DSCAM: variants seen among roughly 807,000 people sequenced by gnomAD.
The protein encoded by DSCAM is DS cell adhesion molecule, also known as cell adhesion molecule DSCAM.
Under a neutral mutation model 217.7 loss-of-function variants are expected in DSCAM, and 47 were observed. The observed-to-expected ratio is 0.22, with a 90% CI of 0.17 to 0.28. The LOEUF (loss-of-function observed/expected upper bound fraction) is 0.28. Among genes scored for constraint, DSCAM ranks in the 10% least tolerant of loss-of-function variants. The probability of loss-of-function intolerance (pLI) is 1.00; values close to 1 mark genes in which losing one functional copy is unlikely to be tolerated. For missense variants in DSCAM, 2,080 were observed against 2,618.3 expected, an observed-to-expected ratio of 0.79 and a Z score of 4.49; for synonymous variants, 1,056 against 1,015.3, an observed-to-expected ratio of 1.04 and a Z score of -0.76.
chr21:40,491,964 A>G (rs188024263), intron 3 of DSCAM, among the ~76,000 whole-genome samples: 21 of 152,304 alleles, frequency 1.4e-4, no homozygotes, highest in African/African-American at 5.1e-4. Flanking sequence ...TGTAATTTAC[A>G]TATTTATTAG....
chr21:40,201,865 G>A (rs1378931947), intron 11 of DSCAM, among the ~76,000 whole-genome samples: 1 of 152,118 alleles, frequency 6.6e-6, no homozygotes, highest in East Asian at 1.9e-4. Flanking sequence ...CTGAAAAATT[G>A]GGTAAGTGCT....
At chr21:40,261,749 A>G (rs1226857238) in intron 11 of DSCAM, among the ~76,000 whole-genome samples, 1 of 152,128 alleles carries the variant, frequency 6.6e-6, no homozygotes, top group Non-Finnish European at 1.5e-5. Context: ...ATGCTAATAA[A>G]TAGCACTATC....
chr21:40,463,215 C>T (rs2075819495), intron 3 of DSCAM, among the ~76,000 whole-genome samples: 1 of 152,034 alleles, frequency 6.6e-6, no homozygotes, highest in Non-Finnish European at 1.5e-5. Flanking sequence ...TAGATAATGG[C>T]TTGCAAGCAA....
intron 11 of DSCAM, among the ~76,000 whole-genome samples, chr21:40,263,486 G>T (rs2123334047): frequency 6.6e-6 from 1 of 152,112 alleles, no homozygotes; most frequent in East Asian, 1.9e-4. Flanking sequence ...AAATCAAGAT[G>T]GAAATTTAAA....
At position 40,197,345 on chromosome 21, in the gene DSCAM, C is replaced by A. The variant is rs971708796; in HGVS notation, c.2357-8107G>T. ...TTGTTAGCCAGGATGGTCTCGATCTCCTGACCTTGCGATCCACCCACCTCG... is the reference window on the plus strand; with the variant it reads ...TTGTTAGCCAGGATGGTCTCGATCTACTGACCTTGCGATCCACCCACCTCG... On this transcript the variant is annotated intron_variant, in intron 11 of 32. Coordinates refer to ENST00000400454, the MANE Select transcript of DSCAM (RefSeq NM_001389.5). Among the ~76,000 whole-genome samples the A allele has an allele frequency of 2.0e-5, 3 of 152,096 alleles. No homozygotes were observed. The East Asian group carries it at 5.8e-4, about 29-fold the overall frequency.
At chr21:40,605,163 T>C (rs564483115) in intron 3 of DSCAM, among the ~76,000 whole-genome samples, 1 of 152,312 alleles carries the variant, frequency 6.6e-6, no homozygotes, top group Non-Finnish European at 1.5e-5. Context: ...ATATTAACTC[T>C]CAAGCCTCAC....
intron 10 of DSCAM, among the ~76,000 whole-genome samples, chr21:40,287,194 A>T (rs961317253): frequency 1.4e-5 from 2 of 143,784 alleles, no homozygotes; most frequent in African/African-American, 6.0e-5. Context: ...CTGCAGTGTG[A>T]TCTGCAGTAT....
At chr21:40,760,473 C>T (rs78351098) in intron 1 of DSCAM, among the ~76,000 whole-genome samples, 247 of 152,320 alleles carry the variant, frequency 1.6e-3, no homozygotes, top group African/African-American at 5.6e-3. Context: ...GTGTTTGATT[C>T]TGACCTGCCT....
At position 40,012,854 on chromosome 21, in the gene DSCAM, G is replaced by C. The variant is rs1329423667; in HGVS notation, c.*180C>G. ...CCCAGGCGGATGGAGCTCACACTCAGACAGAAAAAAAGCAGGAGAGTCTTT... is the reference window on the plus strand; with the variant it reads ...CCCAGGCGGATGGAGCTCACACTCACACAGAAAAAAAGCAGGAGAGTCTTT... On this transcript the variant is annotated 3_prime_UTR_variant, in exon 33 of 33. Coordinates refer to ENST00000400454, the MANE Select transcript of DSCAM (RefSeq NM_001389.5). The C allele has an allele frequency of 2.2e-5, 10 of 448,644 alleles. No homozygotes were observed. Among genetic ancestry groups the C allele is most frequent in the Non-Finnish European group, 3.6e-5 (10 of 276,804 alleles). 27.8% of individuals were successfully genotyped at this position (448,644 alleles called of 1,614,324 possible). A position where few individuals can be genotyped will look rare whatever the true frequency, so the allele number is the denominator to read the frequency against.
At chr21:40,801,707 C>G (rs955007348) in intron 1 of DSCAM, among the ~76,000 whole-genome samples, 4 of 152,294 alleles carry the variant, frequency 2.6e-5, no homozygotes, top group Admixed American at 2.6e-4. Flanking sequence ...TGGCACAGCT[C>G]TGGAAGGAAT....
chr21:40,679,333 G>T (rs995052018), intron 3 of DSCAM, among the ~76,000 whole-genome samples: 12 of 152,148 alleles, frequency 7.9e-5, no homozygotes, highest in African/African-American at 2.7e-4. Context: ...GACAATATTT[G>T]TTGGCTCTTA....
chr21:40,323,623 T>C (rs78293562), intron 8 of DSCAM, among the ~76,000 whole-genome samples: 5 of 152,376 alleles, frequency 3.3e-5, no homozygotes, highest in African/African-American at 1.2e-4. Flanking sequence ...TTTTTGCTCA[T>C]TCAGCTGGCC....
intron 20 of DSCAM, among the ~76,000 whole-genome samples, chr21:40,109,916 C>T (rs571191479): frequency 1.1e-4 from 17 of 152,264 alleles, no homozygotes; most frequent in Admixed American, 3.3e-4. Flanking sequence ...ACAAAGTGGC[C>T]GGGAAGCTCA....
At chr21:40,617,290 A>AT (rs2089414494) in intron 3 of DSCAM, among the ~76,000 whole-genome samples, 1 of 151,160 alleles carries the variant, frequency 6.6e-6, no homozygotes, top group Admixed American at 6.6e-5. Context: ...CGCTCGGCTA[A>AT]TTTTTTTGTA....
intron 1 of DSCAM, among the ~76,000 whole-genome samples, chr21:40,799,643 C>A (rs945204506): frequency 6.6e-6 from 1 of 152,164 alleles, no homozygotes; most frequent in Non-Finnish European, 1.5e-5. Flanking sequence ...CTCATAAAGT[C>A]TTTTTCAGCT....
chr21:40,210,902 G>A (rs1347871648), intron 11 of DSCAM, among the ~76,000 whole-genome samples: 1 of 152,040 alleles, frequency 6.6e-6, no homozygotes, highest in East Asian at 1.9e-4. Flanking sequence ...TAGCTCTGTA[G>A]GTGTATACTT....
At position 40,634,630 on chromosome 21, in the gene DSCAM, A is replaced by G. The variant is rs2089732066; in HGVS notation, c.508+58180T>C. On this transcript the variant is annotated intron_variant, in intron 3 of 32. Coordinates refer to ENST00000400454, the MANE Select transcript of DSCAM (RefSeq NM_001389.5). ...TTAATACATCAAATAAGCTATCAGT[A>G]AAACAAAATATGTACAAATCTAAAA... Among the ~76,000 whole-genome samples the G allele has an allele frequency of 3.9e-5, 6 of 152,266 alleles. No homozygotes were observed. In the South Asian group the frequency reaches 1.2e-3, roughly 31 times the overall value.
intron 11 of DSCAM, among the ~76,000 whole-genome samples, chr21:40,201,201 C>T (rs886919298): frequency 2.6e-5 from 4 of 152,098 alleles, no homozygotes; most frequent in Non-Finnish European, 4.4e-5. Flanking sequence ...TTGAATGTGT[C>T]AGGGGAAAGA....
rs749626074 is a variant in DSCAM at position 40,785,504 on chromosome 21, CA to C, written c.43+61114del. Among the ~76,000 whole-genome samples the C allele has an allele frequency of 4.7e-4, 71 of 152,224 alleles. No individual in the cohort carries two copies. The Middle Eastern group carries it at 0.01, about 22-fold the overall frequency. ...GGAGAATAGCAGTACAGACTTTTAA[CA>C]AAAAATAGAGAGTACTTTCAATAAA... On this transcript the variant is annotated intron_variant, in intron 1 of 32. Transcript: ENST00000400454.
Sources: allele counts gnomAD v4.1 joint callset (sites outside exome capture counted in the v4.1 genomes callset), GRCh38; gene constraint gnomAD v4.1.1; transcripts MANE v1.5; gene names NCBI Gene and HGNC (gene_info 2026-07-23, HGNC 2026-07-21).